Variants in PPFIBP1 observed in about 807,000 individuals in gnomAD.
PPFIBP1 encodes the protein liprin-beta-1.
PPFIBP1 carries 112 observed loss-of-function variants against 137.8 expected under a neutral mutation model. That is an observed-to-expected ratio of 0.81 (90% confidence interval 0.70 to 0.95). The LOEUF is 0.95. PPFIBP1 is among the 40% of genes least tolerant of loss of function. The probability of loss-of-function intolerance (pLI) is 0.00; values close to 1 mark genes in which losing one functional copy is unlikely to be tolerated. For synonymous variants in PPFIBP1, 378 were observed against 417.3 expected (o/e 0.91, Z 1.15); for missense variants, 1,083 against 1,196.6 (o/e 0.91, Z 1.40).
chr12:27,543,344 C>G (rs912270458), intron 1 of PPFIBP1, among the ~76,000 whole-genome samples: 2 of 152,034 alleles, frequency 1.3e-5, no homozygotes. Flanking sequence ...TAAATGTGTC[C>G]TGGACCTTCT....
At chr12:27,566,909 C>T (rs1400755840) in intron 1 of PPFIBP1, among the ~76,000 whole-genome samples, 1 of 152,198 alleles carries the variant, frequency 6.6e-6, no homozygotes, top group East Asian at 1.9e-4. Flanking sequence ...CTGTTTCCTA[C>T]CCCTGTTACT....
chr12:27,691,962 C>A (rs1188675937), intron 28 of PPFIBP1, 34 bp downstream of exon 28: 2 of 1,539,520 alleles, frequency 1.3e-6, no homozygotes, highest in Non-Finnish European at 1.8e-6. Flanking sequence ...TTTGCGAGTT[C>A]TTCCATCATT....
intron 13 of PPFIBP1, among the ~76,000 whole-genome samples, chr12:27,669,234 A>G (rs1312510440): frequency 6.6e-6 from 1 of 152,236 alleles, no homozygotes; most frequent in Non-Finnish European, 1.5e-5. Flanking sequence ...TCTCACTTAA[A>G]TGTAGGAGAG....
intron 2 of PPFIBP1, among the ~76,000 whole-genome samples, chr12:27,620,410 G>A (rs933523116): frequency 6.6e-6 from 1 of 152,160 alleles, no homozygotes; most frequent in Non-Finnish European, 1.5e-5. Flanking sequence ...CTCCCTTCTA[G>A]GGGCCTTTGC....
At chr12:27,683,266 A>G (rs1447771376) in intron 24 of PPFIBP1, among the ~76,000 whole-genome samples, 1 of 152,062 alleles carries the variant, frequency 6.6e-6, no homozygotes, top group Non-Finnish European at 1.5e-5. Context: ...GAGTTTCGCC[A>G]TGTTGGCCAG....
At chr12:27,575,954 G>T (rs2050521521) in intron 1 of PPFIBP1, among the ~76,000 whole-genome samples, 1 of 152,212 alleles carries the variant, frequency 6.6e-6, no homozygotes, top group East Asian at 1.9e-4. Flanking sequence ...GTCCTATGAT[G>T]AAAACTCAAA....
intron 2 of PPFIBP1, among the ~76,000 whole-genome samples, chr12:27,590,600 C>G (rs2052383404): frequency 6.6e-6 from 1 of 152,110 alleles, no homozygotes; most frequent in Non-Finnish European, 1.5e-5. Flanking sequence ...AAGAAGGTGG[C>G]AGAGCAGGGA....
At chr12:27,578,622 C>T (rs939255043) in intron 2 of PPFIBP1, among the ~76,000 whole-genome samples, 1 of 152,086 alleles carries the variant, frequency 6.6e-6, no homozygotes, top group African/African-American at 2.4e-5. Context: ...CTAGTTGACC[C>T]ATTAATGACC....
chr12:27,574,387 C>G (rs963401422), intron 1 of PPFIBP1, among the ~76,000 whole-genome samples: 2 of 152,184 alleles, frequency 1.3e-5, no homozygotes, highest in Non-Finnish European at 2.9e-5. Flanking sequence ...AGTCTTCCTC[C>G]TGAAGCCTTT....
chr12:27,565,109 G>A (rs986472176), intron 1 of PPFIBP1, among the ~76,000 whole-genome samples: 5 of 152,204 alleles, frequency 3.3e-5, no homozygotes, highest in Non-Finnish European at 5.9e-5. Flanking sequence ...CCAGTCTGCA[G>A]TCTCCACTCA....
intron 1 of PPFIBP1, among the ~76,000 whole-genome samples, chr12:27,564,611 A>G (rs1419861916): frequency 1.3e-5 from 2 of 152,168 alleles, no homozygotes; most frequent in African/African-American, 4.8e-5. Context: ...ACTTTTCTCC[A>G]ACAGTCTCCA....
At chr12:27,677,444 G>T in intron 19 of PPFIBP1, 1 of 293,752 alleles carries the variant, frequency 3.4e-6, no homozygotes, top group East Asian at 5.8e-5. Flanking sequence ...CTAACTCCCA[G>T]GTCCTTGCAG....
chr12:27,565,025 C>T (rs538316265), intron 1 of PPFIBP1, among the ~76,000 whole-genome samples: 1 of 152,342 alleles, frequency 6.6e-6, no homozygotes, highest in East Asian at 1.9e-4. Context: ...TCCTTTGATT[C>T]TTCATCTCCT....
chr12:27,525,755 A>T (rs2135678774), intron 1 of PPFIBP1, among the ~76,000 whole-genome samples: 1 of 152,312 alleles, frequency 6.6e-6, no homozygotes, highest in East Asian at 1.9e-4. Flanking sequence ...AGTCAGGAAA[A>T]GGGATAGAGG....
At chr12:27,527,155 T>C (rs1318761538) in intron 1 of PPFIBP1, among the ~76,000 whole-genome samples, 1 of 152,250 alleles carries the variant, frequency 6.6e-6, no homozygotes, top group East Asian at 1.9e-4. Context: ...TGATAATTTG[T>C]TACATTAAAA....
chr12:27,575,840 T>A (rs1353842330), intron 1 of PPFIBP1, among the ~76,000 whole-genome samples: 1 of 152,196 alleles, frequency 6.6e-6, no homozygotes, highest in Non-Finnish European at 1.5e-5. Flanking sequence ...GCTATGTTGG[T>A]TAGTTAGTAT....
chr12:27,670,541 C>T (rs1227226516), intron 13 of PPFIBP1, among the ~76,000 whole-genome samples: 1 of 152,224 alleles, frequency 6.6e-6, no homozygotes, highest in Middle Eastern at 3.4e-3. Flanking sequence ...CTTTGGGAGG[C>T]TGAGGCAGGA....
chr12:27,562,727 TTC>T (rs2049265114), intron 1 of PPFIBP1, among the ~76,000 whole-genome samples: 1 of 152,192 alleles, frequency 6.6e-6, no homozygotes. Context: ...TTAATTCTGA[TTC>T]TCCCATTGCC....
intron 1 of PPFIBP1, among the ~76,000 whole-genome samples, chr12:27,550,725 G>C (rs1285520242): frequency 6.6e-6 from 1 of 152,088 alleles, no homozygotes; most frequent in Non-Finnish European, 1.5e-5. Flanking sequence ...ACGAAATGTG[G>C]TAAGTCACAG....
Sources: gnomAD v4.1 joint callset for allele counts (sites outside exome capture counted in the v4.1 genomes callset) on GRCh38, gnomAD v4.1.1 for gene constraint, MANE v1.5 for transcripts, NCBI Gene and HGNC (gene_info 2026-07-23, HGNC 2026-07-21) for gene names.